Variants in THSD7B observed in about 807,000 individuals in gnomAD.
The protein encoded by THSD7B is thrombospondin type-1 domain-containing protein 7B.
In THSD7B, 138 loss-of-function variants were observed where a neutral mutation model predicts 213.6. The ratio of observed to expected loss-of-function variants is 0.65; its 90% CI spans 0.56 to 0.74. The LOEUF (loss-of-function observed/expected upper bound fraction) is 0.74, where lower values mean the gene tolerates loss of function less well. THSD7B is among the 30% of genes least tolerant of loss of function. The probability of loss-of-function intolerance (pLI) is 0.00; values close to 1 mark genes in which losing one functional copy is unlikely to be tolerated. For synonymous variants in THSD7B, 742 were observed against 687.0 expected, an observed-to-expected ratio of 1.08 and a Z score of -1.25; for missense variants, 1,931 against 1,991.5, an observed-to-expected ratio of 0.97 and a Z score of 0.58.
rs575478149 is a variant in THSD7B, at chr2:137,622,340, T to C, written c.3799+1614T>C. Among the ~76,000 whole-genome samples, 12 of 152,254 alleles carry C rather than the reference T, an allele frequency of 7.9e-5. No individual in the cohort carries two copies. The East Asian group carries it at 2.3e-3, about 29-fold the overall frequency. On this transcript the variant is annotated intron_variant, in intron 20 of 27. Coordinates refer to ENST00000409968, the MANE Select transcript of THSD7B (RefSeq NM_001316349.2). ...GACTCAAGGTAAGTTCTTCCAGCTT[T>C]GAGCCTGCAAAAACAAAACAAAACA...
intron 1 of THSD7B, among the ~76,000 whole-genome samples, chr2:136,826,807 T>C (rs1682652676): frequency 6.6e-6 from 1 of 152,218 alleles, no homozygotes; most frequent in Non-Finnish European, 1.5e-5. Context: ...TTCCCAACAC[T>C]AGAAGATGTC....
intron 3 of THSD7B, among the ~76,000 whole-genome samples, chr2:137,057,606 T>G (rs1687195781): frequency 1.3e-5 from 2 of 152,206 alleles, no homozygotes; most frequent in African/African-American, 4.8e-5. Context: ...GGGATATGAA[T>G]TATGTAAATA....
rs572923982 is a variant in THSD7B, at chr2:137,607,605, G to A, written c.3424-8570G>A. 1.1e-4 allele frequency among the ~76,000 whole-genome samples: 16 copies of A among 152,224 alleles called. No individual in the cohort carries two copies. The South Asian group carries it at 1.2e-3, about 12-fold the overall frequency. The stretch of plus-strand genomic sequence containing the variant: ...ACAGGATCCAGACTGTATTGCATTT[G>A]AGGATCATATCTCTTTCATCTCTTT... On this transcript the variant is annotated intron_variant, in intron 17 of 27. Coordinates refer to ENST00000409968, the MANE Select transcript of THSD7B (RefSeq NM_001316349.2).
intron 12 of THSD7B, among the ~76,000 whole-genome samples, chr2:137,383,033 A>G (rs1685811141): frequency 6.6e-6 from 1 of 152,218 alleles, no homozygotes; most frequent in Non-Finnish European, 1.5e-5. Flanking sequence ...AGCGACACCT[A>G]TGGTAATCTG....
chr2:137,080,586 G>T (rs753481646), intron 3 of THSD7B, among the ~76,000 whole-genome samples: 1 of 151,816 alleles, frequency 6.6e-6, no homozygotes, highest in Non-Finnish European at 1.5e-5. Context: ...TTTGTGTAGT[G>T]CCCTTAATTT....
Position 137,385,391 on chromosome 2 carries a change from C to G in THSD7B, c.2501-20222C>G, listed in dbSNP as rs1388529597. 2.0e-5 allele frequency among the ~76,000 whole-genome samples: 3 copies of G among 152,182 alleles called. No homozygotes were observed. The East Asian group carries it at 5.8e-4, about 29-fold the overall frequency. ...GCCTCCATGCCCCTGCTCTGGCCTT[C>G]TTGCTATGCTTCATTTTTGGGCAAG... On this transcript the variant is annotated intron_variant, in intron 12 of 27. Coordinates refer to ENST00000409968, the MANE Select transcript of THSD7B (RefSeq NM_001316349.2).
chr2:137,237,915 G>C (rs993078384), intron 9 of THSD7B, among the ~76,000 whole-genome samples: 2 of 152,144 alleles, frequency 1.3e-5, no homozygotes, highest in Non-Finnish European at 2.9e-5. Context: ...AAAATAACTT[G>C]CATTTCCAGG....
intron 12 of THSD7B, among the ~76,000 whole-genome samples, chr2:137,351,473 A>T (rs1253347007): frequency 6.6e-6 from 1 of 151,962 alleles, no homozygotes; most frequent in Non-Finnish European, 1.5e-5. Context: ...TGGTCCATGC[A>T]TGCATAGGCA....
intron 5 of THSD7B, among the ~76,000 whole-genome samples, chr2:137,144,574 T>C (rs1389469818): frequency 6.6e-6 from 1 of 152,028 alleles, no homozygotes; most frequent in Non-Finnish European, 1.5e-5. Flanking sequence ...CAGAGGCCTT[T>C]CATTGTAGGT....
intron 17 of THSD7B, among the ~76,000 whole-genome samples, chr2:137,584,653 T>A (rs1681673639): frequency 6.6e-6 from 1 of 152,216 alleles, no homozygotes; most frequent in Admixed American, 6.5e-5. Flanking sequence ...GATTTGTGTA[T>A]GTTGAACCAG....
At chr2:137,078,277 T>C (rs1398340170) in intron 3 of THSD7B, among the ~76,000 whole-genome samples, 2 of 152,220 alleles carry the variant, frequency 1.3e-5, no homozygotes, top group African/African-American at 4.8e-5. Context: ...CCAGCTTTGT[T>C]CTTTTGGCTT....
chr2:137,150,611 G>C (rs1413506237), intron 5 of THSD7B, among the ~76,000 whole-genome samples: 2 of 152,142 alleles, frequency 1.3e-5, no homozygotes, highest in African/African-American at 4.8e-5. Flanking sequence ...GAACAACTGT[G>C]AGTTAATTAT....
chr2:137,371,813 T>G (rs992059091), intron 12 of THSD7B, among the ~76,000 whole-genome samples: 1 of 152,210 alleles, frequency 6.6e-6, no homozygotes, highest in Non-Finnish European at 1.5e-5. Context: ...ACTTGCTAAA[T>G]ATTCTTTTCT....
At chr2:136,925,111 T>C (rs1264648053) in intron 2 of THSD7B, among the ~76,000 whole-genome samples, 2 of 152,164 alleles carry the variant, frequency 1.3e-5, no homozygotes, top group Non-Finnish European at 2.9e-5. Flanking sequence ...CACAATGAGG[T>C]CATCTACAAG....
intron 2 of THSD7B, among the ~76,000 whole-genome samples, chr2:137,016,209 T>A (rs1349767495): frequency 6.6e-6 from 1 of 152,046 alleles, no homozygotes; most frequent in Admixed American, 6.6e-5. Flanking sequence ...AAGTCACATA[T>A]GAGGATTCTA....
intron 10 of THSD7B, among the ~76,000 whole-genome samples, chr2:137,265,594 T>C (rs901334653): frequency 6.6e-6 from 1 of 152,222 alleles, no homozygotes; most frequent in African/African-American, 2.4e-5. Context: ...GTTTGAATGA[T>C]GCAAGCAGAA....
chr2:137,595,329 C>T (rs1322869884), intron 17 of THSD7B, among the ~76,000 whole-genome samples: 3 of 151,778 alleles, frequency 2.0e-5, no homozygotes, highest in African/African-American at 7.3e-5. Context: ...CTTTATATAC[C>T]ACATCTTCTC....
chr2:137,354,639 T>C (rs1254271225), intron 12 of THSD7B, among the ~76,000 whole-genome samples: 2 of 152,260 alleles, frequency 1.3e-5, no homozygotes, highest in South Asian at 4.1e-4. Flanking sequence ...ATAAGTTCTA[T>C]AGTCATTTTT....
chr2:137,287,566 TAAAAG>T (rs1275099564), intron 12 of THSD7B, among the ~76,000 whole-genome samples: 1 of 152,110 alleles, frequency 6.6e-6, no homozygotes, highest in Non-Finnish European at 1.5e-5. Context: ...AAATAAATAT[TAAAAG>T]AGATGAGCAA....
Sources: gnomAD v4.1 joint callset for allele counts (sites outside exome capture counted in the v4.1 genomes callset) on GRCh38, gnomAD v4.1.1 for gene constraint, MANE v1.5 for transcripts, NCBI Gene and HGNC (gene_info 2026-07-23, HGNC 2026-07-21) for gene names.